MTMR9: variants seen among roughly 807,000 people sequenced by gnomAD.
MTMR9 encodes the protein myotubularin related protein 9.
Under a neutral mutation model 69.5 loss-of-function variants are expected in MTMR9, and 39 were observed. The observed-to-expected ratio is 0.56, with a 90% CI of 0.43 to 0.73. MTMR9 has a LOEUF of 0.73. Among genes scored for constraint, MTMR9 ranks in the 30% least tolerant of loss-of-function variants. The pLI is 0.00. For missense variants in MTMR9, 900 were observed against 671.2 expected (o/e 1.34, Z -3.77); for synonymous variants, 354 against 240.8 (o/e 1.47, Z -4.35).
At chr8:11,312,170 A>G (rs1373586510) in intron 6 of MTMR9, among the ~76,000 whole-genome samples, 1 of 151,848 alleles carries the variant, frequency 6.6e-6, no homozygotes, top group Non-Finnish European at 1.5e-5. Flanking sequence ...TCAGCCTCCC[A>G]AATAGCCAGT....
downstream of MTMR9, among the ~76,000 whole-genome samples, chr8:11,329,260 G>A (rs547681211): frequency 4.6e-5 from 7 of 152,314 alleles, no homozygotes; most frequent in African/African-American, 1.4e-4. Flanking sequence ...CAGGCATGAT[G>A]GTGCTCATCT....
At chr8:11,313,138 G>A (rs1178885700) in intron 6 of MTMR9, among the ~76,000 whole-genome samples, 2 of 152,202 alleles carry the variant, frequency 1.3e-5, no homozygotes, top group Non-Finnish European at 2.9e-5. Flanking sequence ...GTCACCAGCT[G>A]CATTTTTTCG....
chr8:11,317,414 C>T (rs1459028120), intron 8 of MTMR9: 3 of 152,218 alleles, frequency 2.0e-5, no homozygotes, highest in African/African-American at 7.2e-5. Flanking sequence ...TGTTCCATGT[C>T]AGATCATCAG....
At chr8:11,287,986 A>C (rs1203953498) in intron 1 of MTMR9, among the ~76,000 whole-genome samples, 1 of 126,956 alleles carries the variant, frequency 7.9e-6, no homozygotes, top group Non-Finnish European at 1.6e-5. Flanking sequence ...GTATTATATA[A>C]TATATATTAC....
chr8:11,305,453 A>C (rs1175687868), intron 4 of MTMR9, among the ~76,000 whole-genome samples: 2 of 152,216 alleles, frequency 1.3e-5, no homozygotes, highest in Non-Finnish European at 2.9e-5. Context: ...ATTTAGTCAC[A>C]ACTCTAGTAA....
rs775522780 is a variant in MTMR9 at position 11,284,879 on chromosome 8, G to T, written c.-10G>T. The T allele has an allele frequency of 2.7e-6, 4 of 1,491,692 alleles. No individual in the cohort carries two copies. Among genetic ancestry groups the T allele is most frequent in the African/African-American group, 2.3e-5 (1 of 43,358 alleles). The allele number at this position is 1,491,692 out of a possible 1,614,324, so 92.4% of individuals were successfully genotyped here. On this transcript the variant is annotated 5_prime_UTR_variant, in exon 1 of 10. Transcript: ENST00000221086. ...CGGGCTCGGTTCCCTGGCTCCGGCC[G>T]CGGGGGAGCATGGAGTTTGCGGAGC... is the stretch of plus-strand genomic sequence containing the variant.
At chr8:11,330,787 C>T (rs1047819088), downstream of MTMR9, 16 of 443,338 alleles carry the variant, frequency 3.6e-5, no homozygotes, top group East Asian at 3.0e-4. Flanking sequence ...TGCGGAAGGC[C>T]GCAGGGTCCT....
the MTMR9 span, among the ~76,000 whole-genome samples, chr8:11,334,126 C>G: frequency 6.6e-6 from 1 of 152,154 alleles, no homozygotes. Flanking sequence ...CTTGGACTTC[C>G]CAGCTTCCAG....
chr8:11,299,692 T>C (rs1799683451), intron 2 of MTMR9, among the ~76,000 whole-genome samples: 1 of 152,246 alleles, frequency 6.6e-6, no homozygotes, highest in Admixed American at 6.5e-5. Flanking sequence ...CCAGAAATAC[T>C]TAGACCTTTT....
intron 8 of MTMR9, chr8:11,317,773 C>T (rs1800491742): frequency 6.6e-6 from 1 of 152,254 alleles, no homozygotes. Context: ...ACAAGATTCA[C>T]ATCAGAATGA....
downstream of MTMR9, among the ~76,000 whole-genome samples, chr8:11,329,796 C>T (rs185443401): frequency 8.3e-4 from 126 of 151,104 alleles, 1 homozygote; most frequent in African/African-American, 2.9e-3. Context: ...TGTGAGGAGC[C>T]CCTCTGCCCG....
chr8:11,298,216 A>G (rs1159282445), intron 2 of MTMR9, among the ~76,000 whole-genome samples: 1 of 152,188 alleles, frequency 6.6e-6, no homozygotes, highest in African/African-American at 2.4e-5. Context: ...TAAGATCTCA[A>G]GATGAAATAT....
chr8:11,316,833 T>C lies in MTMR9; in HGVS notation c.1274T>C (p.Leu425Pro). 1 of 1,613,818 alleles carries C rather than the reference T, an allele frequency of 6.2e-7. No individual in the cohort carries two copies. Among genetic ancestry groups the C allele is most frequent in the Non-Finnish European group, 8.5e-7 (1 of 1,179,860 alleles). Reference protein sequence around the residue: ...FEFNENFLIMLFEHAYASQFG... With the variant: ...FEFNENFLIMPFEHAYASQFG... ...TTTAATGAGAATTTCCTCATCATGC[T>C]CTTTGAGCATGCTTATGCCTCACAG... The change falls in exon 8 of 10, where the codon CTC becomes CCC. Residue 425 changes from leucine to proline, a missense_variant. Coordinates refer to ENST00000221086, the MANE Select transcript of MTMR9 (RefSeq NM_015458.4).
chr8:11,332,763 A>T (rs768649243), downstream of MTMR9, among the ~76,000 whole-genome samples: 1 of 152,082 alleles, frequency 6.6e-6, no homozygotes, highest in Non-Finnish European at 1.5e-5. Context: ...CACCACACGC[A>T]GCTAATTTTT....
Position 11,284,985 on chromosome 8 carries a change from G to T in MTMR9, c.97G>T (p.Gly33Cys). The T allele has an allele frequency of 1.2e-6, 2 of 1,613,840 alleles. No homozygotes were observed. The highest frequency in any genetic ancestry group is 1.7e-6 in the Non-Finnish European group (2 of 1,179,930). ...TGTCGAGGGCACCCTGTGCCTGACG[G>T]GCCACCACTTGATCCTGTCCTCCCG... ...PAVEGTLCLT[G>C]HHLILSSRQD... Residue 33 changes from glycine (G) to cysteine (C), a missense_variant, in exon 1 of 10, where the codon GGC becomes TGC. Gly to Cys is a radical substitution (Grantham distance 159, BLOSUM62 -3). Coordinates refer to ENST00000221086, the MANE Select transcript of MTMR9 (RefSeq NM_015458.4).
At chr8:11,306,617 T>C (rs755613011) in intron 5 of MTMR9, among the ~76,000 whole-genome samples, 4 of 152,192 alleles carry the variant, frequency 2.6e-5, no homozygotes, top group Non-Finnish European at 4.4e-5. Context: ...ATGTACACTG[T>C]GCTATTTTGA....
chr8:11,294,081 G>C (rs1162154203), intron 1 of MTMR9, among the ~76,000 whole-genome samples: 1 of 152,162 alleles, frequency 6.6e-6, no homozygotes, highest in Non-Finnish European at 1.5e-5. Context: ...ATTAAAGTCT[G>C]CTGTGATTTT....
rs141757780 is a variant in MTMR9, at chr8:11,289,113, A to G, written c.182+4043A>G. 4.6e-5 allele frequency among the ~76,000 whole-genome samples: 7 copies of G among 152,346 alleles called. 1 individual carries two copies. In the East Asian group the frequency reaches 1.3e-3, roughly 29 times the overall value. On this transcript the variant is annotated intron_variant, in intron 1 of 9. Transcript: ENST00000221086. ...CTTCACCCTGGGAGGCCGAGGTTGC[A>G]GTAAACTGAGATTGCACCACTGAAC...
intron 1 of MTMR9, among the ~76,000 whole-genome samples, chr8:11,285,674 T>C (rs1799122125): frequency 6.6e-6 from 1 of 152,196 alleles, no homozygotes; most frequent in African/African-American, 2.4e-5. Flanking sequence ...AGGAAAGGCA[T>C]GGACCAGTTA....
Sources: gnomAD v4.1 joint callset for allele counts (sites outside exome capture counted in the v4.1 genomes callset) on GRCh38, gnomAD v4.1.1 for gene constraint, MANE v1.5 for transcripts, NCBI Gene and HGNC (gene_info 2026-07-23, HGNC 2026-07-21) for gene names.